Variants in SYTL5 observed in about 807,000 individuals in gnomAD.
The protein encoded by SYTL5 is synaptotagmin like 5.
Under a neutral mutation model 55.9 loss-of-function variants are expected in SYTL5, and 34 were observed. The ratio of observed to expected loss-of-function variants is 0.61; its 90% CI spans 0.46 to 0.81. The LOEUF (loss-of-function observed/expected upper bound fraction) is 0.81, where lower values mean the gene tolerates loss of function less well. Among genes scored for constraint, SYTL5 ranks in the 30% least tolerant of loss-of-function variants. The pLI, the probability that SYTL5 is intolerant of heterozygous loss-of-function variation, is 0.00. For missense variants in SYTL5, 637 were observed against 546.7 expected (o/e 1.17, Z -1.65); for synonymous variants, 221 against 188.7 (o/e 1.17, Z -1.40).
At chrX:38,019,977 C>T (rs768056793) in intron 1 of SYTL5, among the ~76,000 whole-genome samples, 4 of 111,661 alleles carry the variant, frequency 3.6e-5, no homozygotes, top group East Asian at 2.8e-4. Context: ...GTTTACTGCA[C>T]GAACATTTAT....
chrX:37,903,484 G>C, the SYTL5 span, among the ~76,000 whole-genome samples: 3 of 102,978 alleles, frequency 2.9e-5, no homozygotes, highest in Admixed American at 3.2e-4. Flanking sequence ...CTCACTCATA[G>C]GTGGGAATTG....
the SYTL5 span, among the ~76,000 whole-genome samples, chrX:37,993,567 C>T: frequency 8.9e-6 from 1 of 112,281 alleles, no homozygotes; most frequent in East Asian, 2.8e-4. Flanking sequence ...TCGATTAACT[C>T]GTGAGGAAAT....
chrX:37,903,215 A>G, the SYTL5 span, among the ~76,000 whole-genome samples: 1 of 110,523 alleles, frequency 9.0e-6, no homozygotes, highest in Non-Finnish European at 1.9e-5. Flanking sequence ...TACCCAAAGG[A>G]TTATAAATCA....
At chrX:38,034,520 G>A (rs747843020) in intron 2 of SYTL5, among the ~76,000 whole-genome samples, 5 of 112,402 alleles carry the variant, frequency 4.4e-5, no homozygotes, top group African/African-American at 6.5e-5. Context: ...CTGGGGATTT[G>A]CCTCCAGCAC....
At chrX:37,892,496 G>A in the SYTL5 span, among the ~76,000 whole-genome samples, 1 of 99,089 alleles carries the variant, frequency 1.0e-5, no homozygotes, top group Non-Finnish European at 2.0e-5. Flanking sequence ...ACATATATAT[G>A]TATATAGTAT....
chrX:38,058,677 A>G (rs899271922), intron 3 of SYTL5, among the ~76,000 whole-genome samples: 1 of 111,149 alleles, frequency 9.0e-6, no homozygotes, highest in African/African-American at 3.2e-5. Context: ...CTATCAGTAT[A>G]TTATTGTTCC....
At chrX:38,104,553 C>G (rs981814673) in intron 10 of SYTL5, among the ~76,000 whole-genome samples, 1 of 111,917 alleles carries the variant, frequency 8.9e-6, no homozygotes, top group Non-Finnish European at 1.9e-5. Context: ...TCTGCTCTTG[C>G]CCGTGAAGAA....
At chrX:38,093,909 CCAAA>C (rs1237885872) in intron 7 of SYTL5, among the ~76,000 whole-genome samples, 1 of 110,324 alleles carries the variant, frequency 9.1e-6, no homozygotes, top group Non-Finnish European at 1.9e-5. Flanking sequence ...CAAAATAGGA[CCAAA>C]CAGAGTTCTA....
chrX:38,077,360 C>T (rs1180731663), intron 6 of SYTL5, among the ~76,000 whole-genome samples: 1 of 111,357 alleles, frequency 9.0e-6, no homozygotes, highest in Non-Finnish European at 1.9e-5. Context: ...AAAAAAATAT[C>T]CACCTTCATA....
rs1602417344 is a variant in SYTL5 at position 38,120,367 on chromosome X, G to A, written c.1606G>A (p.Ala536Thr). The A allele has an allele frequency of 6.6e-6, 8 of 1,208,284 alleles. No individual in the cohort carries two copies. The highest frequency in any genetic ancestry group is 9.0e-6 in the Non-Finnish European group (8 of 892,490). Reference sequence around the variant, plus strand: ...GTTTCTCCTTGGCCAGGTGGAGTTTGCTCCTGATATTGGCCTTCAATACAA... The same window carrying A: ...GTTTCTCCTTGGCCAGGTGGAGTTTACTCCTGATATTGGCCTTCAATACAA... The part of the protein sequence containing the change: ...WFVLQPKVEF[A>T]PDIGLQYKGE... Residue 536 changes from alanine (A) to threonine (T), a missense_variant, in exon 14 of 17, where the codon GCT becomes ACT. Coordinates refer to ENST00000297875, the MANE Select transcript of SYTL5 (RefSeq NM_138780.3).
the SYTL5 span, among the ~76,000 whole-genome samples, chrX:37,978,664 A>T: frequency 8.0e-5 from 9 of 112,325 alleles, no homozygotes; most frequent in African/African-American, 2.6e-4. Context: ...GAAAGAGGAA[A>T]ATACAAATGA....
chrX:38,095,865 C>T (rs1314994746), intron 8 of SYTL5, among the ~76,000 whole-genome samples: 2 of 110,852 alleles, frequency 1.8e-5, no homozygotes, highest in African/African-American at 3.3e-5. Flanking sequence ...TAGCATTTTA[C>T]AGTAGAACAT....
At chrX:37,898,564 C>T in the SYTL5 span, among the ~76,000 whole-genome samples, 10 of 112,179 alleles carry the variant, frequency 8.9e-5, no homozygotes, top group Non-Finnish European at 1.5e-4. Context: ...CAAATAAAAA[C>T]GCTTAACTAA....
chrX:37,991,157 G>A, the SYTL5 span: 3 of 1,210,933 alleles, frequency 2.5e-6, no homozygotes, highest in African/African-American at 5.2e-5. Flanking sequence ...CTCGCTTTTT[G>A]TTTGATGAGA....
intron 2 of SYTL5, among the ~76,000 whole-genome samples, chrX:38,048,627 G>T (rs2147275274): frequency 9.0e-6 from 1 of 110,576 alleles, no homozygotes; most frequent in African/African-American, 3.3e-5. Flanking sequence ...TCACATGGTA[G>T]CAGAGAACAG....
intron 9 of SYTL5, among the ~76,000 whole-genome samples, chrX:38,097,880 GAA>G (rs796241632): frequency 1.1e-5 from 1 of 88,797 alleles, no homozygotes; most frequent in Admixed American, 1.2e-4. Flanking sequence ...TGAGATTCCA[GAA>G]AAAAAAAAAA....
chrX:38,057,599 A>G (rs895780132), intron 3 of SYTL5, among the ~76,000 whole-genome samples: 29 of 111,630 alleles, frequency 2.6e-4, no homozygotes, highest in Non-Finnish European at 5.1e-4. Context: ...CTTTAGATAA[A>G]CAGTTTTAAA....
At chrX:38,062,405 A>C (rs1808571856) in intron 3 of SYTL5, among the ~76,000 whole-genome samples, 1 of 112,227 alleles carries the variant, frequency 8.9e-6, no homozygotes, top group Admixed American at 9.5e-5. Context: ...TGATATTTTT[A>C]TTTTTGATTG....
At chrX:38,090,924 G>A (rs1307882125) in intron 7 of SYTL5, among the ~76,000 whole-genome samples, 2 of 112,390 alleles carry the variant, frequency 1.8e-5, no homozygotes, top group African/African-American at 6.5e-5. Context: ...GAGGAAGGAG[G>A]CCAATGCAGC....
Sources: allele counts gnomAD v4.1 joint callset (sites outside exome capture counted in the v4.1 genomes callset), GRCh38; gene constraint gnomAD v4.1.1; transcripts MANE v1.5; gene names NCBI Gene and HGNC (gene_info 2026-07-23, HGNC 2026-07-21).